Variants in TENM2 observed in about 807,000 individuals in gnomAD.
The protein encoded by TENM2 is teneurin-2.
Under a neutral mutation model 245.2 loss-of-function variants are expected in TENM2, and 52 were observed. The ratio of observed to expected loss-of-function variants is 0.21; its 90% CI spans 0.17 to 0.27. The LOEUF is 0.27. Among genes scored for constraint, TENM2 ranks in the 10% least tolerant of loss-of-function variants. TENM2 has a pLI of 1.00. For missense variants in TENM2, 3,046 were observed against 3,666.8 expected (o/e 0.83, Z 4.37); for synonymous variants, 1,363 against 1,438.9 (o/e 0.95, Z 1.19).
chr5:167,117,584 C>T, the TENM2 span, among the ~76,000 whole-genome samples: 1 of 152,110 alleles, frequency 6.6e-6, no homozygotes, highest in Non-Finnish European at 1.5e-5. Flanking sequence ...CTCCCTGGTG[C>T]TTGTGGAAAT....
the TENM2 span, among the ~76,000 whole-genome samples, chr5:167,234,679 C>G: frequency 6.6e-6 from 1 of 152,134 alleles, no homozygotes; most frequent in East Asian, 1.9e-4. Flanking sequence ...ACAAGCAGGT[C>G]TCTGATACAT....
At chr5:167,833,012 G>A (rs2151101985) in intron 2 of TENM2, among the ~76,000 whole-genome samples, 1 of 152,244 alleles carries the variant, frequency 6.6e-6, no homozygotes, top group East Asian at 1.9e-4. Context: ...TATCTAGAAA[G>A]AGGGTTTAGT....
intron 12 of TENM2, among the ~76,000 whole-genome samples, chr5:168,137,632 G>A (rs1275907332): frequency 1.3e-5 from 2 of 152,226 alleles, no homozygotes; most frequent in Non-Finnish European, 2.9e-5. Context: ...CCTATATTAG[G>A]TGTGTGTGAG....
intron 2 of TENM2, among the ~76,000 whole-genome samples, chr5:167,512,471 T>G (rs1770033671): frequency 6.6e-6 from 1 of 152,144 alleles, no homozygotes; most frequent in Admixed American, 6.5e-5. Context: ...TCATTTTACA[T>G]TATACAGATT....
intron 3 of TENM2, among the ~76,000 whole-genome samples, chr5:167,899,616 C>T (rs555107624): frequency 9.2e-5 from 14 of 152,260 alleles, no homozygotes; most frequent in African/African-American, 3.4e-4. Context: ...GGAAGTCCAG[C>T]TCCCGAGAGA....
At chr5:167,418,287 C>T (rs1268436489) in intron 2 of TENM2, among the ~76,000 whole-genome samples, 1 of 150,560 alleles carries the variant, frequency 6.6e-6, no homozygotes, top group East Asian at 2.0e-4. Flanking sequence ...CGAGATTGTG[C>T]CATTGCAACA....
chr5:168,231,906 G>T (rs1764956099), intron 25 of TENM2, among the ~76,000 whole-genome samples: 1 of 151,714 alleles, frequency 6.6e-6, no homozygotes, highest in South Asian at 2.1e-4. Context: ...GACCAGCCTG[G>T]GCAACATAGG....
chr5:167,742,784 C>CA lies in TENM2; in HGVS notation c.503-133189dup, dbSNP rs796154169. Among the ~76,000 whole-genome samples the CA allele has an allele frequency of 7.0e-3, 929 of 133,266 alleles. 11 individuals are homozygous for CA. Among genetic ancestry groups the CA allele is most frequent in the African/African-American group, 0.021 (758 of 36,302 alleles). The allele number at this position is 133,266 out of a possible 152,430, so 87.4% of individuals were successfully genotyped here. A position where few individuals can be genotyped will look rare whatever the true frequency, so the allele number is the denominator to read the frequency against. The stretch of plus-strand genomic sequence containing the variant: ...TGGGCAACCTACCTACCATCTCTAC[C>CA]AAAAAAAAAAAAAGAAAGAAAGAAA... On this transcript the variant is annotated intron_variant, in intron 2 of 28. Coordinates refer to ENST00000518659, the Ensembl canonical transcript of TENM2.
rs1554170577 is a variant in TENM2 at position 167,532,826 on chromosome 5, G to GTGTGTGTA, written c.502+157354_502+157355insGTGTGTAT. Among the ~76,000 whole-genome samples the GTGTGTGTA allele has an allele frequency of 2.4e-4, 35 of 144,546 alleles. 1 individual carries two copies. Among genetic ancestry groups the GTGTGTGTA allele is most frequent in the African/African-American group, 9.1e-4 (35 of 38,642 alleles). 94.8% of individuals were successfully genotyped at this position (144,546 alleles called of 152,430 possible). ...TATTTGTGTGTATGTGTGTGTGTGTGTATATATATATATATATATGCTATC... is the reference window on the plus strand; with the variant it reads ...TATTTGTGTGTATGTGTGTGTGTGTGTGTGTGTATATATATATATATATATATGCTATC... On this transcript the variant is annotated intron_variant, in intron 2 of 28. Transcript: ENST00000518659.
At chr5:168,249,841 G>C (rs921693748) in intron 27 of TENM2, among the ~76,000 whole-genome samples, 5 of 152,058 alleles carry the variant, frequency 3.3e-5, no homozygotes, top group Admixed American at 3.3e-4. Context: ...CCTGCGCACA[G>C]AGTGAGAACC....
intron 10 of TENM2, among the ~76,000 whole-genome samples, chr5:168,122,783 C>T (rs1013281224): frequency 3.3e-5 from 5 of 151,584 alleles, no homozygotes; most frequent in Non-Finnish European, 7.4e-5. Flanking sequence ...TATATAATAC[C>T]TTCCTGAGAA....
intron 2 of TENM2, among the ~76,000 whole-genome samples, chr5:167,376,825 G>C (rs1304549128): frequency 6.6e-6 from 1 of 152,130 alleles, no homozygotes; most frequent in Admixed American, 6.5e-5. Flanking sequence ...AAAAGCATAC[G>C]TTGAATCCAT....
intron 1 of TENM2, among the ~76,000 whole-genome samples, chr5:167,330,971 C>T (rs1757424595): frequency 6.6e-6 from 1 of 152,058 alleles, no homozygotes; most frequent in African/African-American, 2.4e-5. Flanking sequence ...GGCGTGGTGG[C>T]TCATGCCTAT....
intron 2 of TENM2, among the ~76,000 whole-genome samples, chr5:167,505,857 T>A (rs556487373): frequency 6.6e-6 from 1 of 152,178 alleles, no homozygotes; most frequent in East Asian, 1.9e-4. Flanking sequence ...GTCATGACCT[T>A]GGATGAAGGA....
intron 2 of TENM2, among the ~76,000 whole-genome samples, chr5:167,376,583 G>T (rs566994757): frequency 5.9e-5 from 9 of 152,098 alleles, no homozygotes; most frequent in South Asian, 2.1e-4. Context: ...TACTCAAAAA[G>T]ATGTCACTTT....
chr5:167,893,648 G>T (rs78536847), intron 3 of TENM2, among the ~76,000 whole-genome samples: 2,417 of 146,476 alleles, frequency 0.017, 62 homozygotes, highest in African/African-American at 0.058. Flanking sequence ...TTTTTTTTTA[G>T]TAAGAGGCAT....
At chr5:167,316,721 A>T (rs191812170) in intron 1 of TENM2, among the ~76,000 whole-genome samples, 226 of 152,320 alleles carry the variant, frequency 1.5e-3, no homozygotes, top group Non-Finnish European at 2.5e-3. Context: ...GTAGAGTCAG[A>T]TAATGTCGAC....
At position 167,925,372 on chromosome 5, in the gene TENM2, G is replaced by A. The variant is rs114713325; in HGVS notation, c.713-27216G>A. Reference sequence around the variant, plus strand: ...TGGGTGTGACCTCCAGAGGGTTGAGGATTACCTGGAAAGGGGCACGAGGGA... The same window carrying A: ...TGGGTGTGACCTCCAGAGGGTTGAGAATTACCTGGAAAGGGGCACGAGGGA... On this transcript the variant is annotated intron_variant, in intron 3 of 28. Transcript: ENST00000518659. 9.2e-3 allele frequency among the ~76,000 whole-genome samples: 1,406 copies of A among 152,330 alleles called. 20 individuals are homozygous for A. Among genetic ancestry groups the A allele is most frequent in the African/African-American group, 0.032 (1,312 of 41,576 alleles).
At chr5:167,540,768 T>C (rs1429914995) in intron 2 of TENM2, among the ~76,000 whole-genome samples, 1 of 152,192 alleles carries the variant, frequency 6.6e-6, no homozygotes, top group Admixed American at 6.5e-5. Context: ...ATTTCTAAGC[T>C]TCTATTTATA....
Sources: gnomAD v4.1 joint callset for allele counts (sites outside exome capture counted in the v4.1 genomes callset) on GRCh38, gnomAD v4.1.1 for gene constraint, MANE v1.5 for transcripts, NCBI Gene and HGNC (gene_info 2026-07-23, HGNC 2026-07-21) for gene names.